CA10: variants seen among roughly 807,000 people sequenced by gnomAD.
The protein encoded by CA10 is carbonic anhydrase-related protein 10.
In CA10, 14 loss-of-function variants were observed where a neutral mutation model predicts 44.2. The ratio of observed to expected loss-of-function variants is 0.32; its 90% CI spans 0.21 to 0.50. The LOEUF (loss-of-function observed/expected upper bound fraction) is 0.50, where lower values mean the gene tolerates loss of function less well. Ranked by LOEUF, CA10 falls within the 20% of genes least tolerant of loss-of-function variation. The pLI, the probability that CA10 is intolerant of heterozygous loss-of-function variation, is 0.99. For missense variants in CA10, 350 were observed against 409.7 expected, an observed-to-expected ratio of 0.85 and a Z score of 1.26; for synonymous variants, 159 against 141.6, an observed-to-expected ratio of 1.12 and a Z score of -0.87.
At chr17:52,143,710 T>C (rs1598238032) in intron 1 of CA10, among the ~76,000 whole-genome samples, 2 of 152,086 alleles carry the variant, frequency 1.3e-5, no homozygotes, top group East Asian at 3.9e-4. Context: ...ACAATCAATT[T>C]AAGAGAAACA....
chr17:51,885,832 A>C (rs143081370), intron 3 of CA10, among the ~76,000 whole-genome samples: 8 of 152,364 alleles, frequency 5.3e-5, no homozygotes, highest in African/African-American at 1.4e-4. Context: ...TGTTGACCAA[A>C]TGAAAGAAGT....
At chr17:51,888,180 T>A (rs1414544249) in intron 3 of CA10, among the ~76,000 whole-genome samples, 2 of 150,716 alleles carry the variant, frequency 1.3e-5, no homozygotes, top group Non-Finnish European at 3.0e-5. Flanking sequence ...TATTGATTTT[T>A]AAAAAAAAGG....
In CA10 at chr17:52,137,855, G is replaced by A. The variant is rs752830658; in HGVS notation, c.61+19871C>T. 3.0e-4 allele frequency among the ~76,000 whole-genome samples: 46 copies of A among 152,256 alleles called. 1 individual carries two copies. The highest frequency in any genetic ancestry group is 9.1e-4 in the African/African-American group (38 of 41,550). On this transcript the variant is annotated intron_variant, in intron 1 of 8. Coordinates refer to ENST00000451037, the MANE Select transcript of CA10 (RefSeq NM_020178.5). Reference sequence around the variant, plus strand: ...TCAAAAAGTAGAGAGCACTGGATGCGGGAAATATTAATAATTTTTCTAGCT... The same window carrying A: ...TCAAAAAGTAGAGAGCACTGGATGCAGGAAATATTAATAATTTTTCTAGCT...
rs554373952 is a variant in CA10, at chr17:52,077,658, C to T, written c.62-5265G>A. Among the ~76,000 whole-genome samples the T allele has an allele frequency of 1.6e-3, 244 of 150,678 alleles. 1 individual carries two copies. The highest frequency in any genetic ancestry group is 5.7e-3 in the African/African-American group (231 of 40,880). The stretch of plus-strand genomic sequence containing the variant: ...TACTTTACAAAAAAAAAAAAAAAAT[C>T]AGAATGTTGAAATATATGGGTTTCT... On this transcript the variant is annotated intron_variant, in intron 1 of 8. Transcript: ENST00000451037.
At chr17:51,767,541 T>A (rs2143649560) in intron 3 of CA10, among the ~76,000 whole-genome samples, 1 of 152,286 alleles carries the variant, frequency 6.6e-6, no homozygotes, top group Non-Finnish European at 1.5e-5. Context: ...CCCCACCTTT[T>A]TGGCATCAGG....
In CA10 at chr17:51,630,385, C is replaced by CAAGAA. The variant is rs994227103; in HGVS notation, c.*1194_*1198dup. ...AAACACAGTGAGTGACCATTATAAA[C>CAAGAA]AAGAAAAGAAAGGCATTCGTTTTGT... On this transcript the variant is annotated 3_prime_UTR_variant, in exon 9 of 9. Coordinates refer to ENST00000451037, the MANE Select transcript of CA10 (RefSeq NM_020178.5). 6 of 152,566 alleles carry CAAGAA rather than the reference C, an allele frequency of 3.9e-5. No homozygotes were observed. In the East Asian group the frequency reaches 9.6e-4, roughly 24 times the overall value. 9.5% of individuals were successfully genotyped at this position (152,566 alleles called of 1,614,324 possible).
In CA10 at chr17:51,917,062, TTGCCC is replaced by T. The variant is rs1296503261; in HGVS notation, c.279+13923_279+13927del. On this transcript the variant is annotated intron_variant, in intron 3 of 8. Coordinates refer to ENST00000451037, the MANE Select transcript of CA10 (RefSeq NM_020178.5). ...AATCAACTCACCTTTCTTCTGGGAA[TTGCCC>T]TTGACCTCTAAGAACAGTGGTGTGC... Among the ~76,000 whole-genome samples the T allele has an allele frequency of 3.4e-4, 52 of 152,326 alleles. 1 individual carries two copies. In the East Asian group the frequency reaches 8.1e-3, roughly 24 times the overall value.
At chr17:51,641,619 T>C (rs1395386448) in intron 6 of CA10, among the ~76,000 whole-genome samples, 2 of 152,166 alleles carry the variant, frequency 1.3e-5, no homozygotes, top group African/African-American at 2.4e-5. Context: ...AGCTGAACCT[T>C]TGGTTTTTTG....
At position 52,066,282 on chromosome 17, in the gene CA10, T is replaced by C. The variant is rs151101385; in HGVS notation, c.136+6037A>G. On this transcript the variant is annotated intron_variant, in intron 2 of 8. Transcript: ENST00000451037. ...GAAGAAGACAGAAAGATGTGGGAAC[T>C]TCCTAGAGACTTGTTGAATGGCTTT... is the stretch of plus-strand genomic sequence containing the variant. Among the ~76,000 whole-genome samples, 386 of 152,272 alleles carry C rather than the reference T, an allele frequency of 2.5e-3. 1 individual carries two copies. The Middle Eastern group carries it at 0.048, about 19-fold the overall frequency.
intron 3 of CA10, among the ~76,000 whole-genome samples, chr17:51,893,737 C>G (rs1980956799): frequency 1.3e-5 from 2 of 152,054 alleles, no homozygotes; most frequent in African/African-American, 4.8e-5. Context: ...AATAACATAG[C>G]CCAGGCATAG....
chr17:52,101,033 C>A (rs764626404), intron 1 of CA10, among the ~76,000 whole-genome samples: 13 of 152,142 alleles, frequency 8.5e-5, no homozygotes, highest in Non-Finnish European at 1.3e-4. Flanking sequence ...AATGTAGTTG[C>A]AAAATTCAGA....
chr17:51,650,374 A>G (rs939667847), intron 5 of CA10, among the ~76,000 whole-genome samples: 1 of 152,174 alleles, frequency 6.6e-6, no homozygotes, highest in African/African-American at 2.4e-5. Flanking sequence ...AGGGTTGGAA[A>G]AATTGCAGCA....
Position 52,056,217 on chromosome 17 carries a change from C to CTGGTGAT in CA10, c.136+16095_136+16101dup, listed in dbSNP as rs569127122. Among the ~76,000 whole-genome samples the CTGGTGAT allele has an allele frequency of 3.0e-3, 451 of 152,092 alleles. 1 individual carries two copies. The highest frequency in any genetic ancestry group is 0.01 in the African/African-American group (432 of 41,492). Reference sequence around the variant, plus strand: ...GAGGAGGTGTCCAAAATGAGACTCACTGGTGATTGGTGATTGGAAAGGCGA... The same window carrying CTGGTGAT: ...GAGGAGGTGTCCAAAATGAGACTCACTGGTGATTGGTGATTGGTGATTGGAAAGGCGA... On this transcript the variant is annotated intron_variant, in intron 2 of 8. Coordinates refer to ENST00000451037, the MANE Select transcript of CA10 (RefSeq NM_020178.5).
At chr17:51,679,741 A>T (rs2143385826) in intron 4 of CA10, among the ~76,000 whole-genome samples, 1 of 152,148 alleles carries the variant, frequency 6.6e-6, no homozygotes, top group African/African-American at 2.4e-5. Flanking sequence ...TCCTGGTCTG[A>T]GGGGCTAGAG....
intron 2 of CA10, among the ~76,000 whole-genome samples, chr17:51,973,172 G>A (rs1484536888): frequency 6.6e-6 from 1 of 152,164 alleles, no homozygotes; most frequent in Non-Finnish European, 1.5e-5. Flanking sequence ...TTTCAGACAT[G>A]GATAAGAGAG....
intron 3 of CA10, among the ~76,000 whole-genome samples, chr17:51,921,605 G>A (rs1334284685): frequency 6.6e-6 from 1 of 152,112 alleles, no homozygotes; most frequent in South Asian, 2.1e-4. Flanking sequence ...GTCAGCACTA[G>A]GGGAACTGAT....
intron 3 of CA10, among the ~76,000 whole-genome samples, chr17:51,888,222 A>C (rs979493592): frequency 2.6e-5 from 4 of 152,172 alleles, no homozygotes; most frequent in African/African-American, 4.8e-5. Flanking sequence ...GGAGAGAGGA[A>C]GTAACAAAAG....
chr17:51,960,897 A>C (rs984263435), intron 2 of CA10, among the ~76,000 whole-genome samples: 1 of 152,186 alleles, frequency 6.6e-6, no homozygotes, highest in African/African-American at 2.4e-5. Flanking sequence ...TTGTTATTTA[A>C]TCAAACATGA....
In CA10 at chr17:52,112,203, A is replaced by G. The variant is rs975735286; in HGVS notation, c.62-39810T>C. On this transcript the variant is annotated intron_variant, in intron 1 of 8. Transcript: ENST00000451037. ...AAAAGAAGAAAAAGAAAAAAAAAAA[A>G]CTCACAATTTGGTATGGGCAATACA... Among the ~76,000 whole-genome samples, 24 of 152,084 alleles carry G rather than the reference A, an allele frequency of 1.6e-4. No individual in the cohort carries two copies. The South Asian group carries it at 5.0e-3, about 32-fold the overall frequency.
Sources: allele counts gnomAD v4.1 joint callset (sites outside exome capture counted in the v4.1 genomes callset), GRCh38; gene constraint gnomAD v4.1.1; transcripts MANE v1.5; gene names NCBI Gene and HGNC (gene_info 2026-07-23, HGNC 2026-07-21).